ZNF578: variants seen among roughly 807,000 people sequenced by gnomAD.
ZNF578 encodes zinc finger protein 578.
Under a neutral mutation model 8.3 loss-of-function variants are expected in ZNF578, and 8 were observed. That is an observed-to-expected ratio of 0.96 (90% CI 0.56 to 1.74). The LOEUF is 1.74. Among genes scored for constraint, ZNF578 ranks in the 40% most tolerant of loss-of-function variants. The probability of loss-of-function intolerance (pLI) is 0.00; values close to 1 mark genes in which losing one functional copy is unlikely to be tolerated. For missense variants in ZNF578, 726 were observed against 707.5 expected (o/e 1.03, Z -0.30); for synonymous variants, 206 against 232.2 (o/e 0.89, Z 1.03).
intron 2 of ZNF578, among the ~76,000 whole-genome samples, chr19:52,484,076 A>G (rs930862848): frequency 6.6e-6 from 1 of 152,184 alleles, no homozygotes; most frequent in Non-Finnish European, 1.5e-5. Context: ...GCAGGACAAT[A>G]GGGTAATAGT....
chr19:52,477,155 C>T (rs1037067499), intron 2 of ZNF578, among the ~76,000 whole-genome samples: 5 of 152,166 alleles, frequency 3.3e-5, no homozygotes, highest in African/African-American at 1.2e-4. Context: ...AAATTAGTCC[C>T]ATGTATCCTG....
At chr19:52,487,996 C>T (rs1179337585) in intron 2 of ZNF578, among the ~76,000 whole-genome samples, 1 of 150,406 alleles carries the variant, frequency 6.6e-6, no homozygotes. Flanking sequence ...CTCTTGTTGC[C>T]CAGGCTGGAG....
Position 52,510,674 on chromosome 19 carries a change from C to T in ZNF578, c.293C>T (p.Thr98Ile). 1 of 1,613,424 alleles carries T rather than the reference C, an allele frequency of 6.2e-7. No homozygotes were observed. Among genetic ancestry groups the T allele is most frequent in the Non-Finnish European group, 8.5e-7 (1 of 1,179,750 alleles). Residue 98 changes from threonine (T) to isoleucine (I), a missense_variant, in exon 6 of 6, where the codon ACT (threonine) becomes ATT (isoleucine). Transcript: ENST00000421239. The part of the protein sequence containing the change: ...GMLQRHESYH[T>I]GDFCFQEIEK... ...TTGCAAAGACATGAAAGTTATCACA[C>T]TGGAGATTTTTGCTTCCAGGAAATT... is the stretch of plus-strand genomic sequence containing the variant.
At chr19:52,495,489 G>A (rs1295917682) in intron 3 of ZNF578, among the ~76,000 whole-genome samples, 5 of 149,394 alleles carry the variant, frequency 3.3e-5, no homozygotes, top group Non-Finnish European at 6.0e-5. Context: ...CAGGAGAGGG[G>A]TATAAAATGA....
At chr19:52,505,679 C>T (rs2059423228) in intron 5 of ZNF578, among the ~76,000 whole-genome samples, 1 of 152,132 alleles carries the variant, frequency 6.6e-6, no homozygotes, top group East Asian at 1.9e-4. Flanking sequence ...TCTCCTCGAC[C>T]TCCCAAAGTG....
At chr19:52,482,162 T>A (rs1431703948) in intron 2 of ZNF578, among the ~76,000 whole-genome samples, 1 of 152,098 alleles carries the variant, frequency 6.6e-6, no homozygotes, top group African/African-American at 2.4e-5. Flanking sequence ...GCCTCCGGAG[T>A]AGCTGGGATT....
chr19:52,481,394 T>C (rs1043045376), intron 2 of ZNF578, among the ~76,000 whole-genome samples: 2 of 152,224 alleles, frequency 1.3e-5, no homozygotes, highest in Admixed American at 6.5e-5. Context: ...GTCAGGGGAC[T>C]CCTTGCTTCT....
chr19:52,474,347 C>T (rs1712145680), intron 2 of ZNF578: 1 of 284,930 alleles, frequency 3.5e-6, no homozygotes, highest in South Asian at 3.6e-5. Context: ...ATGAATTATC[C>T]AATGTTCTAT....
chr19:52,467,927 A>C (rs574783331), intron 2 of ZNF578, among the ~76,000 whole-genome samples: 1 of 152,306 alleles, frequency 6.6e-6, no homozygotes, highest in Non-Finnish European at 1.5e-5. Flanking sequence ...ATATAGTATA[A>C]GTATTTCCTT....
At chr19:52,492,234 A>C (rs2059368094) in intron 3 of ZNF578, among the ~76,000 whole-genome samples, 1 of 147,502 alleles carries the variant, frequency 6.8e-6, no homozygotes. Context: ...AGGGGGTGTT[A>C]CTTTGTCACC....
intron 2 of ZNF578, among the ~76,000 whole-genome samples, chr19:52,460,332 A>G (rs1445046994): frequency 1.4e-5 from 2 of 147,124 alleles, no homozygotes; most frequent in Non-Finnish European, 3.0e-5. Flanking sequence ...TTTTTTATTG[A>G]TGATGGCCAT....
At chr19:52,486,483 C>T (rs1327000909) in intron 2 of ZNF578, among the ~76,000 whole-genome samples, 8 of 152,096 alleles carry the variant, frequency 5.3e-5, no homozygotes, top group African/African-American at 1.9e-4. Flanking sequence ...AGTAAGAAAG[C>T]AGGAGGACAA....
rs1189826770 is a variant in ZNF578, at chr19:52,514,743, A to T, written c.*2589A>T. On this transcript the variant is annotated 3_prime_UTR_variant, in exon 6 of 6. Coordinates refer to ENST00000421239, the MANE Select transcript of ZNF578 (RefSeq NM_001099694.2). ...AGTGGTGCGATCTCAGCTCACTGCA[A>T]CCTCTACCTCCTTGGATCAAGTGAT... Among the ~76,000 whole-genome samples, 2 of 151,976 alleles carry T rather than the reference A, an allele frequency of 1.3e-5. No homozygotes were observed. The highest frequency in any genetic ancestry group is 2.9e-5 in the Non-Finnish European group (2 of 67,988).
chr19:52,482,748 C>T (rs2059331184), intron 2 of ZNF578, among the ~76,000 whole-genome samples: 2 of 151,838 alleles, frequency 1.3e-5, no homozygotes, highest in Non-Finnish European at 2.9e-5. Flanking sequence ...ACCAGCCTGG[C>T]CTATATGGTA....
At chr19:52,507,453 G>A (rs1274660674) in intron 5 of ZNF578, among the ~76,000 whole-genome samples, 4 of 152,058 alleles carry the variant, frequency 2.6e-5, no homozygotes, top group South Asian at 2.1e-4. Flanking sequence ...AGCTACTCAC[G>A]AGGCTGAGGC....
At chr19:52,486,748 C>G (rs894499594) in intron 2 of ZNF578, among the ~76,000 whole-genome samples, 1 of 137,202 alleles carries the variant, frequency 7.3e-6, no homozygotes, top group Non-Finnish European at 1.6e-5. Context: ...GAGAATTTAA[C>G]AGGGAGAACA....
intron 2 of ZNF578, among the ~76,000 whole-genome samples, chr19:52,481,412 A>G (rs1020460954): frequency 6.6e-6 from 1 of 152,224 alleles, no homozygotes; most frequent in Non-Finnish European, 1.5e-5. Context: ...TCTGGTGAAC[A>G]AGGGCCCTGA....
rs1163101719 is a variant in ZNF578, at chr19:52,504,639, G to T, written c.64-16G>T. The T allele has an allele frequency of 3.7e-6, 6 of 1,613,524 alleles. No homozygotes were observed. Among genetic ancestry groups the T allele is most frequent in the Non-Finnish European group, 4.2e-6 (5 of 1,179,896 alleles). On this transcript the variant is annotated splice_polypyrimidine_tract_variant and intron_variant, in intron 4 of 5. Transcript: ENST00000421239. ...ATCCTCCATAATGTTTTGTTGAAAT[G>T]TGTGTTTCATTTTAGGGACGCTTGA... is the stretch of plus-strand genomic sequence containing the variant.
intron 4 of ZNF578, among the ~76,000 whole-genome samples, chr19:52,502,970 G>A (rs1376916876): frequency 2.6e-5 from 4 of 152,110 alleles, no homozygotes; most frequent in Admixed American, 2.6e-4. Flanking sequence ...TCAGCTCACT[G>A]CATCCTCTCC....
Sources: gnomAD v4.1 joint callset for allele counts (sites outside exome capture counted in the v4.1 genomes callset) on GRCh38, gnomAD v4.1.1 for gene constraint, MANE v1.5 for transcripts, NCBI Gene and HGNC (gene_info 2026-07-23, HGNC 2026-07-21) for gene names.